Variants in HTR4 observed in about 807,000 individuals in gnomAD.
HTR4 encodes 5-hydroxytryptamine receptor 4.
In HTR4, 16 loss-of-function variants were observed where a neutral mutation model predicts 36.8. That is an observed-to-expected ratio of 0.43 (90% CI 0.29 to 0.66). HTR4 has a LOEUF of 0.66. HTR4 is among the 30% of genes least tolerant of loss of function. The pLI, the probability that HTR4 is intolerant of heterozygous loss-of-function variation, is 0.13. For synonymous variants in HTR4, 189 were observed against 185.1 expected (o/e 1.02, Z -0.17); for missense variants, 438 against 490.9 (o/e 0.89, Z 1.02).
downstream of HTR4, among the ~76,000 whole-genome samples, chr5:148,475,897 C>A (rs1334119386): frequency 6.6e-6 from 1 of 152,200 alleles, no homozygotes; most frequent in Non-Finnish European, 1.5e-5. Flanking sequence ...AAAGAAGAAA[C>A]TGAAGCTCCA....
At chr5:148,517,960 TC>T (rs1462947818) in intron 5 of HTR4, among the ~76,000 whole-genome samples, 2 of 152,078 alleles carry the variant, frequency 1.3e-5, no homozygotes, top group East Asian at 3.9e-4. Flanking sequence ...CTCCTACATT[TC>T]CCTCCCTCAT....
intron 5 of HTR4, among the ~76,000 whole-genome samples, chr5:148,515,917 T>C (rs1170478516): frequency 1.3e-5 from 2 of 151,460 alleles, no homozygotes; most frequent in African/African-American, 2.4e-5. Flanking sequence ...CCATTCTCTC[T>C]CTCTGAATTC....
intron 6 of HTR4, among the ~76,000 whole-genome samples, chr5:148,503,864 C>A (rs1248398617): frequency 6.6e-6 from 1 of 152,094 alleles, no homozygotes; most frequent in East Asian, 1.9e-4. Flanking sequence ...ATAAAACAAA[C>A]TTTAAACCAA....
intron 5 of HTR4, among the ~76,000 whole-genome samples, chr5:148,520,472 C>T (rs938712773): frequency 3.9e-5 from 6 of 152,158 alleles, no homozygotes; most frequent in Admixed American, 1.3e-4. Context: ...CAAAGATCTT[C>T]TCCATTAGGG....
At chr5:148,568,167 G>C (rs1357390738) in intron 2 of HTR4, among the ~76,000 whole-genome samples, 1 of 152,074 alleles carries the variant, frequency 6.6e-6, no homozygotes, top group Non-Finnish European at 1.5e-5. Flanking sequence ...GAGACCATAA[G>C]TCTGTCCTCT....
intron 5 of HTR4, among the ~76,000 whole-genome samples, chr5:148,455,923 G>A (rs1444449661): frequency 6.6e-6 from 1 of 152,044 alleles, no homozygotes; most frequent in African/African-American, 2.4e-5. Flanking sequence ...AGGAGGCTGA[G>A]GAGGAGGAGG....
intron 5 of HTR4, among the ~76,000 whole-genome samples, chr5:148,518,409 A>T (rs1757861319): frequency 6.6e-6 from 1 of 152,172 alleles, no homozygotes; most frequent in South Asian, 2.1e-4. Flanking sequence ...ATAGAGCAAA[A>T]GAATATGTAA....
At chr5:148,570,613 C>A (rs1007124312) in intron 2 of HTR4, among the ~76,000 whole-genome samples, 10 of 152,026 alleles carry the variant, frequency 6.6e-5, no homozygotes, top group Non-Finnish European at 1.3e-4. Flanking sequence ...CACTGGAGTG[C>A]AGAGAATGAG....
chr5:148,512,750 G>A (rs1005296325), intron 5 of HTR4, among the ~76,000 whole-genome samples: 6 of 152,088 alleles, frequency 3.9e-5, no homozygotes, highest in Non-Finnish European at 7.4e-5. Flanking sequence ...GGCCAACACG[G>A]CAAAACACTG....
At chr5:148,549,539 C>T (rs1256022680) in intron 3 of HTR4, among the ~76,000 whole-genome samples, 2 of 152,154 alleles carry the variant, frequency 1.3e-5, no homozygotes, top group Non-Finnish European at 2.9e-5. Flanking sequence ...AGGTCTCACC[C>T]CAGATCAGTT....
chr5:148,462,854 CTTT>C, intron 5 of HTR4, among the ~76,000 whole-genome samples: 2 of 152,242 alleles, frequency 1.3e-5, no homozygotes, highest in East Asian at 3.9e-4. Flanking sequence ...GCAAATACAA[CTTT>C]TGAAAATCAA....
intron 2 of HTR4, among the ~76,000 whole-genome samples, chr5:148,587,148 A>G (rs1761378882): frequency 6.6e-6 from 1 of 152,150 alleles, no homozygotes; most frequent in Admixed American, 6.5e-5. Context: ...CTAAAGTGCA[A>G]TTTCTTCAGC....
intron 2 of HTR4, among the ~76,000 whole-genome samples, chr5:148,621,337 A>G (rs1035518434): frequency 1.6e-4 from 25 of 152,186 alleles, no homozygotes; most frequent in Non-Finnish European, 3.2e-4. Context: ...GTGATCGCCA[A>G]CCAGCACAAT....
At chr5:148,485,527 G>C (rs146761892) in intron 6 of HTR4, among the ~76,000 whole-genome samples, 2,354 of 152,300 alleles carry the variant, frequency 0.015, 26 homozygotes, top group Non-Finnish European at 0.024. Context: ...TTCCACCTGT[G>C]AGAAACCTGC....
At chr5:148,564,716 C>G (rs756497412) in intron 2 of HTR4, among the ~76,000 whole-genome samples, 2 of 152,150 alleles carry the variant, frequency 1.3e-5, no homozygotes, top group Admixed American at 6.5e-5. Context: ...ACAAGTTTCT[C>G]CAGAGAATAT....
At chr5:148,647,977 A>G (rs1753922437) in intron 1 of HTR4, among the ~76,000 whole-genome samples, 1 of 152,248 alleles carries the variant, frequency 6.6e-6, no homozygotes, top group Non-Finnish European at 1.5e-5. Context: ...TTGTTTCCTC[A>G]GCATAAAAAT....
chr5:148,483,080 T>A lies in HTR4; in HGVS notation c.*123A>T. On this transcript the variant is annotated 3_prime_UTR_variant, in exon 7 of 7. Transcript: ENST00000377888. Reference sequence around the variant, plus strand: ...AAAAGCCCAGCGAGCACCGGGTTCCTGCACTGGCGGACGGAAAGCCTCAGG... The same window carrying A: ...AAAAGCCCAGCGAGCACCGGGTTCCAGCACTGGCGGACGGAAAGCCTCAGG... The A allele has an allele frequency of 6.6e-7, 1 of 1,511,310 alleles. No homozygotes were observed. The highest frequency in any genetic ancestry group is 8.9e-7 in the Non-Finnish European group (1 of 1,124,290). The allele number at this position is 1,511,310 out of a possible 1,614,324, so 93.6% of individuals were successfully genotyped here.
chr5:148,557,243 G>A (rs1759988182), intron 2 of HTR4, among the ~76,000 whole-genome samples: 1 of 152,148 alleles, frequency 6.6e-6, no homozygotes, highest in African/African-American at 2.4e-5. Flanking sequence ...GTAGTTAAAA[G>A]TAGCATGGTG....
chr5:148,583,575 C>T (rs973639887), intron 2 of HTR4, among the ~76,000 whole-genome samples: 4 of 151,812 alleles, frequency 2.6e-5, no homozygotes, highest in Non-Finnish European at 2.9e-5. Context: ...TAGTTACAGC[C>T]TCTGGCAAAT....
Sources: gnomAD v4.1 joint callset for allele counts (sites outside exome capture counted in the v4.1 genomes callset) on GRCh38, gnomAD v4.1.1 for gene constraint, MANE v1.5 for transcripts, NCBI Gene and HGNC (gene_info 2026-07-23, HGNC 2026-07-21) for gene names.